The following PALS2 variants were observed in gnomAD, a reference collection of about 807,000 sequenced individuals.
PALS2 encodes protein PALS2.
PALS2 carries 27 observed loss-of-function variants against 61.6 expected under a neutral mutation model. The observed-to-expected ratio is 0.44, with a 90% CI of 0.32 to 0.60. The LOEUF is 0.60. PALS2 is among the 20% of genes least tolerant of loss of function. The pLI, the probability that PALS2 is intolerant of heterozygous loss-of-function variation, is 0.05. For missense variants in PALS2, 554 were observed against 639.4 expected (o/e 0.87, Z 1.44); for synonymous variants, 236 against 218.6 (o/e 1.08, Z -0.70).
intron 1 of PALS2, among the ~76,000 whole-genome samples, chr7:24,610,066 A>G (rs549201865): frequency 6.6e-6 from 1 of 152,134 alleles, no homozygotes. Flanking sequence ...CACCCCACCA[A>G]ACCCATCAAA....
At chr7:24,621,159 C>A (rs958775149) in intron 1 of PALS2, among the ~76,000 whole-genome samples, 1 of 152,076 alleles carries the variant, frequency 6.6e-6, no homozygotes, top group African/African-American at 2.4e-5. Flanking sequence ...CTTATGTCAT[C>A]TTTCTTCATG....
intron 11 of PALS2, 22 bp downstream of exon 11, chr7:24,680,542 C>G (rs1787867484): frequency 6.3e-7 from 1 of 1,598,734 alleles, no homozygotes. Context: ...ATACGATTTT[C>G]CTTCTAAAAT....
At chr7:24,666,211 G>T in intron 8 of PALS2, 122 bp downstream of exon 8, 1 of 794,028 alleles carries the variant, frequency 1.3e-6, no homozygotes, top group Non-Finnish European at 2.0e-6. Context: ...AGTTGCAAGG[G>T]GCTGACATAT....
intron 11 of PALS2, among the ~76,000 whole-genome samples, chr7:24,683,297 A>G (rs1788028775): frequency 6.6e-6 from 1 of 152,192 alleles, no homozygotes; most frequent in South Asian, 2.1e-4. Flanking sequence ...TACATCTTTG[A>G]TACTGTCCTT....
chr7:24,609,957 A>T (rs1479604907), intron 1 of PALS2, among the ~76,000 whole-genome samples: 3 of 152,120 alleles, frequency 2.0e-5, no homozygotes, highest in South Asian at 2.1e-4. Flanking sequence ...AAGGCTTTAA[A>T]TACTGATCAT....
intron 1 of PALS2, among the ~76,000 whole-genome samples, chr7:24,586,155 A>ATT (rs552141813): frequency 4.7e-5 from 7 of 147,676 alleles, no homozygotes; most frequent in African/African-American, 1.5e-4. Context: ...AGGCTTTGCT[A>ATT]TTTTTTTTTT....
intron 10 of PALS2, 84 bp downstream of exon 10, chr7:24,679,417 G>GT (rs780438756): frequency 7.9e-5 from 113 of 1,436,066 alleles, no homozygotes; most frequent in Middle Eastern, 1.8e-4. Context: ...TTGGGTTGGG[G>GT]TTGTTTGTTT....
intron 1 of PALS2, among the ~76,000 whole-genome samples, chr7:24,608,861 C>T (rs1327525362): frequency 1.3e-5 from 2 of 152,190 alleles, no homozygotes; most frequent in Non-Finnish European, 2.9e-5. Context: ...CATCCTCCCA[C>T]CTCAGCCTCC....
At chr7:24,630,706 T>C (rs966522871) in intron 2 of PALS2, among the ~76,000 whole-genome samples, 1 of 152,166 alleles carries the variant, frequency 6.6e-6, no homozygotes, top group African/African-American at 2.4e-5. Flanking sequence ...CTGATGACTT[T>C]AAGTGGAAGC....
intron 11 of PALS2, among the ~76,000 whole-genome samples, chr7:24,680,944 T>C (rs2128033075): frequency 6.6e-6 from 1 of 152,362 alleles, no homozygotes. Flanking sequence ...TATAAGGTGC[T>C]ACAGAATGAA....
intron 1 of PALS2, among the ~76,000 whole-genome samples, chr7:24,587,086 G>A (rs1783095777): frequency 6.6e-6 from 1 of 151,014 alleles, no homozygotes; most frequent in Non-Finnish European, 1.5e-5. Context: ...AGTTGTTATG[G>A]CCCCTAGATT....
chr7:24,641,687 A>G (rs1264789025), intron 2 of PALS2, 29 bp from the exon 3 acceptor site: 2 of 1,530,806 alleles, frequency 1.3e-6, no homozygotes, highest in Non-Finnish European at 1.8e-6. Context: ...AATAAGTATT[A>G]CTACTTTAAT....
intron 6 of PALS2, among the ~76,000 whole-genome samples, chr7:24,664,490 A>G (rs1562651639): frequency 6.6e-6 from 1 of 152,168 alleles, no homozygotes; most frequent in Non-Finnish European, 1.5e-5. Flanking sequence ...GTTTTACTAA[A>G]GAACAAGGAG....
rs115980483 is a variant in PALS2 at position 24,682,886 on chromosome 7, T to A, written c.1446+2366T>A. Among the ~76,000 whole-genome samples, 789 of 151,124 alleles carry A rather than the reference T, an allele frequency of 5.2e-3. 6 individuals are homozygous for A. The highest frequency in any genetic ancestry group is 0.018 in the African/African-American group (721 of 40,878). ...CATTGTATCATTTTCCTCTATCCCT[T>A]CTATTTCCTGTAAACTGATAGGTTG... On this transcript the variant is annotated intron_variant, in intron 11 of 11. Transcript: ENST00000222644.
At chr7:24,682,370 C>G (rs1390145981) in intron 11 of PALS2, among the ~76,000 whole-genome samples, 1 of 152,184 alleles carries the variant, frequency 6.6e-6, no homozygotes, top group Non-Finnish European at 1.5e-5. Flanking sequence ...AGACCTTCTA[C>G]AAGTCTCCAA....
chr7:24,632,784 C>T (rs991768301), intron 2 of PALS2, among the ~76,000 whole-genome samples: 1 of 152,044 alleles, frequency 6.6e-6, no homozygotes, highest in African/African-American at 2.4e-5. Context: ...GTATTTGTTG[C>T]CTGCTTGCCT....
chr7:24,667,815 C>A (rs547032077), intron 8 of PALS2, among the ~76,000 whole-genome samples: 22 of 151,880 alleles, frequency 1.4e-4, no homozygotes, highest in Non-Finnish European at 2.8e-4. Context: ...CAGGCGCACA[C>A]CACCACGCCT....
chr7:24,615,041 T>C (rs1171677286), intron 1 of PALS2, among the ~76,000 whole-genome samples: 1 of 151,896 alleles, frequency 6.6e-6, no homozygotes, highest in African/African-American at 2.4e-5. Context: ...TGATCCTGAA[T>C]GACCAATGAA....
intron 10 of PALS2, 40 bp downstream of exon 10, chr7:24,679,373 T>A (rs1368311333): frequency 6.3e-7 from 1 of 1,596,508 alleles, no homozygotes; most frequent in African/African-American, 1.4e-5. Flanking sequence ...ATATTTTATT[T>A]TCTGTGGAGT....
Sources: gnomAD v4.1 joint callset for allele counts (sites outside exome capture counted in the v4.1 genomes callset) on GRCh38, gnomAD v4.1.1 for gene constraint, MANE v1.5 for transcripts, NCBI Gene and HGNC (gene_info 2026-07-23, HGNC 2026-07-21) for gene names.